SGCZ: variants seen among roughly 807,000 people sequenced by gnomAD.
SGCZ encodes sarcoglycan zeta.
Under a neutral mutation model 41.3 loss-of-function variants are expected in SGCZ, and 40 were observed. That is an observed-to-expected ratio of 0.97 (90% confidence interval 0.75 to 1.26). SGCZ has a LOEUF of 1.26. SGCZ is among the 50% of genes most tolerant of loss of function. SGCZ has a pLI of 0.00. For synonymous variants in SGCZ, 206 were observed against 137.5 expected, an observed-to-expected ratio of 1.50 and a Z score of -3.49; for missense variants, 552 against 369.8, an observed-to-expected ratio of 1.49 and a Z score of -4.04.
At chr8:15,189,241 G>A (rs1800450608) in intron 1 of SGCZ, among the ~76,000 whole-genome samples, 1 of 152,186 alleles carries the variant, frequency 6.6e-6, no homozygotes, top group Non-Finnish European at 1.5e-5. Context: ...AATTTTGTCA[G>A]AAAGTAAAGA....
At chr8:14,992,715 A>G (rs113068938) in intron 1 of SGCZ, among the ~76,000 whole-genome samples, 1 of 63,182 alleles carries the variant, frequency 1.6e-5, no homozygotes, top group African/African-American at 7.3e-5. Flanking sequence ...CATCCTCCTC[A>G]TTCAATCTAC....
At chr8:14,225,892 CATTT>C (rs1390725361) in intron 4 of SGCZ, among the ~76,000 whole-genome samples, 1 of 152,020 alleles carries the variant, frequency 6.6e-6, no homozygotes, top group Admixed American at 6.6e-5. Context: ...GACCGACAAG[CATTT>C]ATTATACATT....
At chr8:14,228,109 C>T (rs987327557) in intron 4 of SGCZ, among the ~76,000 whole-genome samples, 4 of 152,020 alleles carry the variant, frequency 2.6e-5, no homozygotes, top group Non-Finnish European at 5.9e-5. Flanking sequence ...GATAATTATT[C>T]CCATAACCTT....
intron 1 of SGCZ, among the ~76,000 whole-genome samples, chr8:14,869,249 T>G (rs779438929): frequency 6.6e-6 from 1 of 152,292 alleles, no homozygotes; most frequent in South Asian, 2.1e-4. Context: ...CACGATTAAG[T>G]TGACGTCATC....
chr8:14,924,812 G>C (rs182393562), intron 1 of SGCZ, among the ~76,000 whole-genome samples: 2 of 147,680 alleles, frequency 1.4e-5, no homozygotes, highest in African/African-American at 5.0e-5. Flanking sequence ...ATTGTTTTAC[G>C]TTTAAGTATG....
chr8:14,993,141 C>A (rs1415791968), intron 1 of SGCZ, among the ~76,000 whole-genome samples: 1 of 152,158 alleles, frequency 6.6e-6, no homozygotes. Flanking sequence ...GCTCTTGAAT[C>A]CACCTTCTTC....
intron 1 of SGCZ, among the ~76,000 whole-genome samples, chr8:14,719,008 C>T (rs1809793034): frequency 9.0e-6 from 1 of 111,322 alleles, no homozygotes; most frequent in African/African-American, 3.4e-5. Context: ...CCCCCCTCCC[C>T]CCACCCCACA....
At chr8:15,192,532 C>T (rs1295366522) in intron 1 of SGCZ, among the ~76,000 whole-genome samples, 1 of 152,114 alleles carries the variant, frequency 6.6e-6, no homozygotes, top group Non-Finnish European at 1.5e-5. Flanking sequence ...TTATGCTCTT[C>T]TACAACTTTG....
chr8:14,713,571 TTTG>T (rs552276621), intron 1 of SGCZ, among the ~76,000 whole-genome samples: 129 of 152,242 alleles, frequency 8.5e-4, no homozygotes, highest in African/African-American at 2.9e-3. Flanking sequence ...AGGTTAGATT[TTTG>T]TTGTTGTGAT....
intron 1 of SGCZ, among the ~76,000 whole-genome samples, chr8:15,013,743 G>A (rs781744966): frequency 3.3e-5 from 5 of 152,012 alleles, no homozygotes. Context: ...TATGTAAAAG[G>A]CATCTGTTAT....
chr8:14,566,274 G>A (rs1334831739), intron 1 of SGCZ, among the ~76,000 whole-genome samples: 3 of 152,126 alleles, frequency 2.0e-5, no homozygotes, highest in East Asian at 1.9e-4. Flanking sequence ...AGATAAGCCC[G>A]AATATTGATA....
intron 2 of SGCZ, among the ~76,000 whole-genome samples, chr8:14,432,078 G>A (rs1457461588): frequency 1.3e-5 from 2 of 152,192 alleles, no homozygotes; most frequent in South Asian, 2.1e-4. Context: ...CTACCCTGCT[G>A]GTGGGAATGT....
chr8:14,383,931 T>A (rs1804466953), intron 2 of SGCZ, among the ~76,000 whole-genome samples: 1 of 151,000 alleles, frequency 6.6e-6, no homozygotes, highest in Non-Finnish European at 1.5e-5. Context: ...ATTTTTTTTT[T>A]AACAGAATAT....
At chr8:14,423,201 T>C (rs1336474931) in intron 2 of SGCZ, among the ~76,000 whole-genome samples, 1 of 151,762 alleles carries the variant, frequency 6.6e-6, no homozygotes, top group Non-Finnish European at 1.5e-5. Flanking sequence ...TTAGGAGATA[T>C]ACCTAATGCT....
intron 1 of SGCZ, among the ~76,000 whole-genome samples, chr8:15,059,431 C>T (rs1038228845): frequency 2.7e-4 from 41 of 152,172 alleles, no homozygotes; most frequent in African/African-American, 8.4e-4. Context: ...ATGACAATTA[C>T]CAGATTATTT....
At chr8:14,932,438 A>ACT (rs1799946156) in intron 1 of SGCZ, among the ~76,000 whole-genome samples, 1 of 152,000 alleles carries the variant, frequency 6.6e-6, no homozygotes, top group Admixed American at 6.5e-5. Flanking sequence ...ACTAATTTTG[A>ACT]CTTCAGGCTC....
rs960508086 is a variant in SGCZ at position 14,115,407 on chromosome 8, G to A, written c.548-7172C>T. Among the ~76,000 whole-genome samples the A allele has an allele frequency of 5.3e-5, 8 of 151,878 alleles. 1 individual carries two copies. Among genetic ancestry groups the A allele is most frequent in the Admixed American group, 3.9e-4 (6 of 15,214 alleles). On this transcript the variant is annotated intron_variant, in intron 5 of 7. Transcript: ENST00000382080. ...AAAATATGCATTAACCTATTTGATAGCACATGAGCTACCCATACTGTCATT... is the reference window on the plus strand; with the variant it reads ...AAAATATGCATTAACCTATTTGATAACACATGAGCTACCCATACTGTCATT...
intron 1 of SGCZ, among the ~76,000 whole-genome samples, chr8:15,188,929 C>A (rs1274722665): frequency 6.6e-6 from 1 of 152,022 alleles, no homozygotes; most frequent in Admixed American, 6.6e-5. Flanking sequence ...GATAAAATCT[C>A]CCCTTTTTTG....
chr8:14,686,543 T>A (rs2117556520), intron 1 of SGCZ, among the ~76,000 whole-genome samples: 1 of 151,976 alleles, frequency 6.6e-6, no homozygotes, highest in Non-Finnish European at 1.5e-5. Flanking sequence ...TAAAAGCATA[T>A]TATGGGAGGA....
Sources: allele counts gnomAD v4.1 joint callset (sites outside exome capture counted in the v4.1 genomes callset), GRCh38; gene constraint gnomAD v4.1.1; transcripts MANE v1.5; gene names NCBI Gene and HGNC (gene_info 2026-07-23, HGNC 2026-07-21).